JARID2: variants seen among roughly 807,000 people sequenced by gnomAD.
The protein encoded by JARID2 is protein Jumonji.
Under a neutral mutation model 125.6 loss-of-function variants are expected in JARID2, and 21 were observed. That is an observed-to-expected ratio of 0.17 (90% CI 0.12 to 0.24). The LOEUF is 0.24. Among genes scored for constraint, JARID2 ranks in the 10% least tolerant of loss-of-function variants. The pLI, the probability that JARID2 is intolerant of heterozygous loss-of-function variation, is 1.00. For synonymous variants in JARID2, 736 were observed against 661.6 expected (o/e 1.11, Z -1.73); for missense variants, 1,303 against 1,639.6 (o/e 0.79, Z 3.55).
intron 1 of JARID2, among the ~76,000 whole-genome samples, chr6:15,320,487 A>G (rs139194128): frequency 2.6e-3 from 396 of 152,340 alleles, no homozygotes; most frequent in African/African-American, 9.0e-3. Flanking sequence ...GGGTTGAAGT[A>G]GAAGGTGAAA....
intron 3 of JARID2, among the ~76,000 whole-genome samples, chr6:15,432,617 G>T (rs1364639576): frequency 6.6e-6 from 1 of 152,222 alleles, no homozygotes; most frequent in Non-Finnish European, 1.5e-5. Flanking sequence ...TGTGAATGAA[G>T]AGGATGAAGT....
chr6:15,332,942 T>C (rs1336879232), intron 1 of JARID2, among the ~76,000 whole-genome samples: 10 of 132,652 alleles, frequency 7.5e-5, no homozygotes, highest in African/African-American at 1.7e-4. Flanking sequence ...TTTCTTTTTT[T>C]TTTTTTTTTT....
At chr6:15,382,466 G>T (rs1764628073) in intron 2 of JARID2, among the ~76,000 whole-genome samples, 1 of 152,192 alleles carries the variant, frequency 6.6e-6, no homozygotes, top group African/African-American at 2.4e-5. Flanking sequence ...TGGTCTGTTG[G>T]TGTCATAATC....
intron 1 of JARID2, among the ~76,000 whole-genome samples, chr6:15,280,870 C>A (rs1760723468): frequency 6.6e-6 from 1 of 152,152 alleles, no homozygotes; most frequent in African/African-American, 2.4e-5. Flanking sequence ...CTCAGGTTAT[C>A]CTCCTGCCTT....
chr6:15,470,813 A>G lies in JARID2; in HGVS notation c.670+2095A>G, dbSNP rs1769040045. The stretch of plus-strand genomic sequence containing the variant: ...TTTCTAAGGAGGAAGAACATCGCAA[A>G]CAGAGCGATGCGGAATAATGCCTGT... On this transcript the variant is annotated intron_variant, in intron 5 of 17. Coordinates refer to ENST00000341776, the MANE Select transcript of JARID2 (RefSeq NM_004973.4). Among the ~76,000 whole-genome samples, 3 of 152,218 alleles carry G rather than the reference A, an allele frequency of 2.0e-5. No homozygotes were observed. The South Asian group carries it at 6.2e-4, about 31-fold the overall frequency.
chr6:15,487,830 C>T (rs984291203), intron 6 of JARID2, among the ~76,000 whole-genome samples: 2 of 145,062 alleles, frequency 1.4e-5, no homozygotes, highest in Non-Finnish European at 3.0e-5. Flanking sequence ...ACCCTGGGCT[C>T]CAGATGAGCG....
At chr6:15,309,394 C>A (rs1186582168) in intron 1 of JARID2, among the ~76,000 whole-genome samples, 2 of 151,910 alleles carry the variant, frequency 1.3e-5, no homozygotes, top group East Asian at 3.8e-4. Context: ...CACTCAGCCA[C>A]CCTGCTTCTA....
At chr6:15,420,313 G>C (rs1306964670) in intron 3 of JARID2, among the ~76,000 whole-genome samples, 1 of 151,234 alleles carries the variant, frequency 6.6e-6, no homozygotes, top group Non-Finnish European at 1.5e-5. Context: ...TGAGGCAGGA[G>C]AATTGCTTGA....
chr6:15,368,563 T>A (rs1764055536), intron 1 of JARID2: 1 of 359,392 alleles, frequency 2.8e-6, no homozygotes, highest in Non-Finnish European at 5.6e-6. Flanking sequence ...GTTGTTGGGT[T>A]TTAAAGAGAA....
At position 15,310,360 on chromosome 6, in the gene JARID2, C is replaced by T. The variant is rs555813362; in HGVS notation, c.46-63757C>T. On this transcript the variant is annotated intron_variant, in intron 1 of 17. Transcript: ENST00000341776. ...AATATTCTTTACAAATGACTAGTCACAGTGGAACTGGTCTGTTGAACCTAC... is the reference window on the plus strand; with the variant it reads ...AATATTCTTTACAAATGACTAGTCATAGTGGAACTGGTCTGTTGAACCTAC... Among the ~76,000 whole-genome samples the T allele has an allele frequency of 6.6e-5, 10 of 152,302 alleles. No individual in the cohort carries two copies. In the East Asian group the frequency reaches 7.7e-4, roughly 12 times the overall value.
Position 15,508,228 on chromosome 6 carries a change from C to G in JARID2, c.2732-112C>G, listed in dbSNP as rs571811098. 102 of 660,586 alleles carry G rather than the reference C, an allele frequency of 1.5e-4. No individual in the cohort carries two copies. In the African/African-American group the frequency reaches 1.7e-3, roughly 11 times the overall value. 40.9% of individuals were successfully genotyped at this position (660,586 alleles called of 1,614,324 possible). On this transcript the variant is annotated intron_variant, in intron 11 of 17. Transcript: ENST00000341776. ...CACTGTCTTTTGTCTGGCTTTGAGT[C>G]CCATTTCTTTTCCTTCTTGTTTTAG...
chr6:15,443,183 T>C (rs1767520646), intron 3 of JARID2, among the ~76,000 whole-genome samples: 1 of 152,166 alleles, frequency 6.6e-6, no homozygotes, highest in South Asian at 2.1e-4. Flanking sequence ...GGTGTCTTCC[T>C]GATGTGGTGG....
chr6:15,332,935 C>CTTT lies in JARID2; in HGVS notation c.46-41161_46-41159dup, dbSNP rs33921682. Among the ~76,000 whole-genome samples the CTTT allele has an allele frequency of 3.8e-3, 160 of 42,104 alleles. 2 individuals carry two copies. The highest frequency in any genetic ancestry group is 5.7e-3 in the Non-Finnish European group (119 of 20,910). 27.6% of individuals were successfully genotyped at this position (42,104 alleles called of 152,430 possible). ...TTTACCCTTTCTTTTCTTTTCTTTT[C>CTTT]TTTTTTTTTTTTTTTTTTTTTTTGG... On this transcript the variant is annotated intron_variant, in intron 1 of 17. Coordinates refer to ENST00000341776, the MANE Select transcript of JARID2 (RefSeq NM_004973.4).
At chr6:15,392,039 GGTGTGTGTGTGTGTGTGT>G (rs55811028) in intron 2 of JARID2, among the ~76,000 whole-genome samples, 8 of 122,814 alleles carry the variant, frequency 6.5e-5, no homozygotes, top group South Asian at 3.1e-4. Context: ...ATCCCAGAGT[GGTGTGTGTGTGTGTGTGT>G]GTGTGTGTGT....
At chr6:15,509,046 GGA>G in intron 12 of JARID2, 1 of 1,289,328 alleles carries the variant, frequency 7.8e-7, no homozygotes, top group South Asian at 1.2e-5. Context: ...CCTGCCATGT[GGA>G]GACACGCGCG....
At position 15,348,101 on chromosome 6, in the gene JARID2, T is replaced by TG. The variant is rs1763302979; in HGVS notation, c.46-26016_46-26015insG. The stretch of plus-strand genomic sequence containing the variant: ...TATTATTATTTTTGTTTTGTTCTGT[T>TG]TTTTTTTTGAGATGGAGTCTAGCTC... On this transcript the variant is annotated intron_variant, in intron 1 of 17. Coordinates refer to ENST00000341776, the MANE Select transcript of JARID2 (RefSeq NM_004973.4). Among the ~76,000 whole-genome samples, 4 of 150,720 alleles carry TG rather than the reference T, an allele frequency of 2.7e-5. No homozygotes were observed. In the South Asian group the frequency reaches 8.4e-4, roughly 32 times the overall value.
chr6:15,509,527 A>G (rs71554527), intron 12 of JARID2, among the ~76,000 whole-genome samples: 2,177 of 151,140 alleles, frequency 0.014, 22 homozygotes, highest in Non-Finnish European at 0.023. Context: ...GTCCAGAGTG[A>G]TGGGCCCGGG....
At chr6:15,372,321 A>AAT (rs1460488065) in intron 1 of JARID2, among the ~76,000 whole-genome samples, 2 of 152,088 alleles carry the variant, frequency 1.3e-5, no homozygotes, top group African/African-American at 4.8e-5. Flanking sequence ...GAATATCCAA[A>AAT]ATACCCCAAA....
chr6:15,405,921 A>T (rs2127561906), intron 2 of JARID2, among the ~76,000 whole-genome samples: 1 of 152,332 alleles, frequency 6.6e-6, no homozygotes, highest in Middle Eastern at 3.4e-3. Flanking sequence ...GGCTTAAAAC[A>T]TTCAAAATGA....
Sources: allele counts gnomAD v4.1 joint callset (sites outside exome capture counted in the v4.1 genomes callset), GRCh38; gene constraint gnomAD v4.1.1; transcripts MANE v1.5; gene names NCBI Gene and HGNC (gene_info 2026-07-23, HGNC 2026-07-21).